COP1: variants seen among roughly 807,000 people sequenced by gnomAD.
COP1 encodes COP1 E3 ubiquitin ligase.
COP1 carries 24 observed loss-of-function variants against 101.3 expected under a neutral mutation model. That is an observed-to-expected ratio of 0.24 (90% confidence interval 0.17 to 0.33). COP1 has a LOEUF of 0.33. Among genes scored for constraint, COP1 ranks in the 10% least tolerant of loss-of-function variants. The pLI, the probability that COP1 is intolerant of heterozygous loss-of-function variation, is 1.00. For synonymous variants in COP1, 347 were observed against 341.9 expected (o/e 1.01, Z -0.17); for missense variants, 663 against 906.2 (o/e 0.73, Z 3.45).
Position 176,068,996 on chromosome 1 carries a change from C to T in COP1, c.1277+12156G>A, listed in dbSNP as rs1025363289. On this transcript the variant is annotated intron_variant, in intron 11 of 19. Coordinates refer to ENST00000367669, the MANE Select transcript of COP1 (RefSeq NM_022457.7). ...GGGGCTGGAAGTTTGAGACTGGCCT[C>T]GGCAACATGGTGAGATCCTGTCTCC... Among the ~76,000 whole-genome samples, 19 of 151,968 alleles carry T rather than the reference C, an allele frequency of 1.3e-4. 1 individual carries two copies. The highest frequency in any genetic ancestry group is 7.2e-4 in the Admixed American group (11 of 15,248).
chr1:176,119,201 G>A (rs901544064), intron 8 of COP1, among the ~76,000 whole-genome samples: 1 of 152,186 alleles, frequency 6.6e-6, no homozygotes, highest in Non-Finnish European at 1.5e-5. Context: ...GACTGAAAGT[G>A]AGGCAATGCA....
intron 11 of COP1, among the ~76,000 whole-genome samples, chr1:176,072,182 CA>C (rs1677120633): frequency 6.6e-6 from 1 of 152,136 alleles, no homozygotes; most frequent in African/African-American, 2.4e-5. Flanking sequence ...TGGTAATTCA[CA>C]AACTTCTTTT....
chr1:176,003,604 G>C (rs1473183688), intron 15 of COP1, among the ~76,000 whole-genome samples: 1 of 151,932 alleles, frequency 6.6e-6, no homozygotes, highest in Non-Finnish European at 1.5e-5. Context: ...TTATTAAATA[G>C]GGAATCCTTT....
At chr1:176,099,964 G>C (rs374949962) in intron 9 of COP1, among the ~76,000 whole-genome samples, 1 of 152,104 alleles carries the variant, frequency 6.6e-6, no homozygotes, top group African/African-American at 2.4e-5. Context: ...GAAGAGTTCC[G>C]TCCAAGCCAA....
At chr1:176,053,721 T>C (rs1468471218) in intron 11 of COP1, among the ~76,000 whole-genome samples, 1 of 152,194 alleles carries the variant, frequency 6.6e-6, no homozygotes. Context: ...TTCAAGGCCA[T>C]TGTGATCTAA....
intron 11 of COP1, among the ~76,000 whole-genome samples, chr1:176,074,486 A>C (rs887956275): frequency 1.3e-5 from 2 of 152,156 alleles, no homozygotes; most frequent in African/African-American, 2.4e-5. Flanking sequence ...TGGTGTAATT[A>C]ATAGAAAAAA....
intron 9 of COP1, among the ~76,000 whole-genome samples, chr1:176,106,572 T>C (rs570284451): frequency 5.9e-5 from 9 of 152,324 alleles, no homozygotes; most frequent in East Asian, 1.9e-4. Context: ...AACACCCAGA[T>C]TGATTAACTG....
chr1:176,063,050 T>TG (rs1675209638), intron 11 of COP1, among the ~76,000 whole-genome samples: 1 of 132,566 alleles, frequency 7.5e-6, no homozygotes, highest in Non-Finnish European at 1.6e-5. Context: ...TGAAAATGTT[T>TG]TTTTTTTTTT....
intron 1 of COP1, among the ~76,000 whole-genome samples, chr1:176,188,970 G>A (rs1698803024): frequency 6.6e-6 from 1 of 152,132 alleles, no homozygotes; most frequent in Non-Finnish European, 1.5e-5. Context: ...TGTAGAGACA[G>A]TAACTGAAAT....
intron 3 of COP1, among the ~76,000 whole-genome samples, chr1:176,165,084 A>T (rs1572629117): frequency 1.3e-5 from 2 of 152,324 alleles, no homozygotes; most frequent in South Asian, 4.1e-4. Context: ...CCAAGCTCAT[A>T]AGGATCCAAG....
intron 7 of COP1, 86 bp downstream of exon 7, chr1:176,136,402 A>G: frequency 3.5e-6 from 3 of 853,230 alleles, no homozygotes; most frequent in Non-Finnish European, 5.7e-6. Context: ...CAATCCCATA[A>G]ACTTAACACA....
Position 175,945,109 on chromosome 1 carries a change from T to A in COP1, c.*44A>T, listed in dbSNP as rs749701411. 2 of 1,401,054 alleles carry A rather than the reference T, an allele frequency of 1.4e-6. No homozygotes were observed. Among genetic ancestry groups the A allele is most frequent in the African/African-American group, 1.4e-5 (1 of 70,144 alleles). The allele number at this position is 1,401,054 out of a possible 1,614,324, so 86.8% of individuals were successfully genotyped here. On this transcript the variant is annotated 3_prime_UTR_variant, in exon 20 of 20. Coordinates refer to ENST00000367669, the MANE Select transcript of COP1 (RefSeq NM_022457.7). ...TTCTTCTCTCATTGTCAGCTGCAGATGTATTTCAGCAGGATCAAGTACAAT... is the reference window on the plus strand; with the variant it reads ...TTCTTCTCTCATTGTCAGCTGCAGAAGTATTTCAGCAGGATCAAGTACAAT...
At chr1:176,048,963 G>A (rs1402129661) in intron 11 of COP1, among the ~76,000 whole-genome samples, 1 of 150,744 alleles carries the variant, frequency 6.6e-6, no homozygotes, top group Non-Finnish European at 1.5e-5. Flanking sequence ...ATGAGGTCAG[G>A]AGATCGAGAC....
intron 15 of COP1, among the ~76,000 whole-genome samples, chr1:176,019,669 T>C (rs1321709510): frequency 1.3e-5 from 2 of 151,726 alleles, no homozygotes; most frequent in African/African-American, 4.8e-5. Context: ...AGGACCACCC[T>C]GGGTAACATA....
At chr1:176,143,146 A>AGAGAG (rs1553286862) in intron 6 of COP1, among the ~76,000 whole-genome samples, 51 of 66,598 alleles carry the variant, frequency 7.7e-4, no homozygotes, top group African/African-American at 2.4e-3. Context: ...GAGCGAGAGA[A>AGAGAG]AGAGAGAGAG....
At chr1:176,039,115 G>A (rs34325406) in intron 14 of COP1, among the ~76,000 whole-genome samples, 16,761 of 152,154 alleles carry the variant, frequency 0.11, 1,160 homozygotes, top group Non-Finnish European at 0.15. Flanking sequence ...CGAGACTGGA[G>A]ATCATACATT....
At chr1:175,991,718 G>A (rs1382413570) in intron 15 of COP1, among the ~76,000 whole-genome samples, 1 of 152,048 alleles carries the variant, frequency 6.6e-6, no homozygotes. Context: ...AATTAAAATA[G>A]GAAAAAGCTT....
intron 2 of COP1, among the ~76,000 whole-genome samples, chr1:176,177,145 T>C (rs1368305846): frequency 1.3e-5 from 2 of 152,116 alleles, no homozygotes; most frequent in African/African-American, 2.4e-5. Context: ...ATACAAATTA[T>C]TGTAATTTGT....
chr1:176,102,245 TGA>T (rs1002017488), intron 9 of COP1, among the ~76,000 whole-genome samples: 14 of 152,194 alleles, frequency 9.2e-5, no homozygotes, highest in Non-Finnish European at 1.6e-4. Context: ...CTCACTTTGC[TGA>T]GAGTTATTTT....
Sources: allele counts gnomAD v4.1 joint callset (sites outside exome capture counted in the v4.1 genomes callset), GRCh38; gene constraint gnomAD v4.1.1; transcripts MANE v1.5; gene names NCBI Gene and HGNC (gene_info 2026-07-23, HGNC 2026-07-21).